Variants in ADGRL2 observed in about 807,000 individuals in gnomAD.
The protein encoded by ADGRL2 is calcium-independent alpha-latrotoxin receptor 2.
A neutral mutation model predicts 157.4 loss-of-function variants in ADGRL2; 44 were observed. The ratio of observed to expected loss-of-function variants is 0.28; its 90% confidence interval spans 0.22 to 0.36. The LOEUF (loss-of-function observed/expected upper bound fraction) is 0.36, where lower values mean the gene tolerates loss of function less well. Among genes scored for constraint, ADGRL2 ranks in the 10% least tolerant of loss-of-function variants. The pLI, the probability that ADGRL2 is intolerant of heterozygous loss-of-function variation, is 1.00. For missense variants in ADGRL2, 1,510 were observed against 1,768.9 expected (o/e 0.85, Z 2.63); for synonymous variants, 585 against 624.7 (o/e 0.94, Z 0.95).
intron 2 of ADGRL2, among the ~76,000 whole-genome samples, chr1:81,854,768 C>A (rs1472960095): frequency 2.0e-5 from 3 of 151,100 alleles, no homozygotes; most frequent in Non-Finnish European, 4.4e-5. Context: ...CAAGAGGTGA[C>A]CAGCTGAGAA....
chr1:81,413,295 G>A (rs967135409), intron 1 of ADGRL2, among the ~76,000 whole-genome samples: 2 of 151,926 alleles, frequency 1.3e-5, no homozygotes, highest in African/African-American at 4.8e-5. Context: ...ATATCATCCT[G>A]GCCCCAAAAA....
chr1:81,750,218 T>C (rs538031281), intron 1 of ADGRL2, among the ~76,000 whole-genome samples: 1 of 152,320 alleles, frequency 6.6e-6, no homozygotes, highest in Non-Finnish European at 1.5e-5. Flanking sequence ...TGGAAATCTC[T>C]AGGTGATGTG....
intron 1 of ADGRL2, among the ~76,000 whole-genome samples, chr1:81,751,165 C>T (rs1557620312): frequency 6.6e-6 from 1 of 152,038 alleles, no homozygotes; most frequent in Non-Finnish European, 1.5e-5. Flanking sequence ...ATTTGAAAAT[C>T]AAAGTGAATA....
At chr1:81,452,790 C>T (rs1487579308) in intron 2 of ADGRL2, among the ~76,000 whole-genome samples, 1 of 152,018 alleles carries the variant, frequency 6.6e-6, no homozygotes, top group African/African-American at 2.4e-5. Context: ...GTAGGTTTTG[C>T]AGATGAAGAT....
intron 2 of ADGRL2, among the ~76,000 whole-genome samples, chr1:81,844,949 A>C (rs1170317152): frequency 1.3e-5 from 2 of 152,068 alleles, no homozygotes; most frequent in African/African-American, 2.4e-5. Context: ...CTTCATGAGA[A>C]AAGAGAAAAT....
At chr1:81,631,598 C>T (rs926914530) in intron 3 of ADGRL2, among the ~76,000 whole-genome samples, 1 of 152,182 alleles carries the variant, frequency 6.6e-6, no homozygotes, top group Admixed American at 6.5e-5. Context: ...GGTCCCATCA[C>T]CAGATACTCT....
chr1:81,422,105 A>C (rs2077135411), intron 1 of ADGRL2, among the ~76,000 whole-genome samples: 1 of 152,168 alleles, frequency 6.6e-6, no homozygotes, highest in South Asian at 2.1e-4. Flanking sequence ...TTCAGGAAAA[A>C]CTGGTTTACT....
At chr1:81,472,027 C>A (rs2101871864) in intron 2 of ADGRL2, among the ~76,000 whole-genome samples, 1 of 152,248 alleles carries the variant, frequency 6.6e-6, no homozygotes, top group Non-Finnish European at 1.5e-5. Context: ...CCTGAACATA[C>A]CAATTCACTT....
rs746200328 is a variant in ADGRL2, at chr1:81,943,461, G to A, written c.902G>A (p.Arg301Gln). The change falls in exon 6 of 24, where the codon CGA becomes CAA. Residue 301 changes from arginine (R) to glutamine (Q), a missense_variant. This residue lies in a region of ADGRL2 where 361 missense variants were observed against 498.4 expected (regional missense o/e 0.72). Coordinates refer to ENST00000686636, the MANE Select transcript of ADGRL2 (RefSeq NM_001366006.2). The surrounding 1 kb of genome is among the most constrained non-coding windows in gnomAD (Gnocchi z 5.6). The part of the protein sequence containing the change: ...VISQLNPYTL[R>Q]FEATWETVYD... ...AGCCAGCTGAATCCATACACTCTTC[G>A]ATTTGAAGCAACGTGGGAGACTGTA... 19 of 1,613,534 alleles carry A rather than the reference G, an allele frequency of 1.2e-5. No individual in the cohort carries two copies. Among genetic ancestry groups the A allele is most frequent in the African/African-American group, 2.7e-5 (2 of 74,878 alleles).
intron 1 of ADGRL2, among the ~76,000 whole-genome samples, chr1:81,405,734 C>T (rs1312607450): frequency 6.7e-6 from 1 of 149,268 alleles, no homozygotes; most frequent in Non-Finnish European, 1.5e-5. Context: ...CATAAGGCCT[C>T]TTATTTTCCA....
chr1:81,373,324 G>T (rs2076192467), intron 1 of ADGRL2, among the ~76,000 whole-genome samples: 1 of 152,146 alleles, frequency 6.6e-6, no homozygotes, highest in African/African-American at 2.4e-5. Flanking sequence ...GAGCCTGGGG[G>T]CAAAACCATA....
chr1:81,669,455 C>T (rs181497794), intron 3 of ADGRL2, among the ~76,000 whole-genome samples: 70 of 143,326 alleles, frequency 4.9e-4, no homozygotes, highest in African/African-American at 1.8e-3. Context: ...ATTTAGGCTA[C>T]TAAATGTGCA....
At chr1:81,484,989 AAGGGCAAATTCAG>A (rs1362551981) in intron 2 of ADGRL2, among the ~76,000 whole-genome samples, 1 of 152,098 alleles carries the variant, frequency 6.6e-6, no homozygotes, top group South Asian at 2.1e-4. Flanking sequence ...ACCAGATTCA[AAGGGCAAATTCAG>A]AGGAAAAACT....
At chr1:81,827,628 C>T (rs1042490254) in intron 1 of ADGRL2, among the ~76,000 whole-genome samples, 8 of 152,084 alleles carry the variant, frequency 5.3e-5, no homozygotes, top group African/African-American at 1.7e-4. Context: ...TGCAGTGGTG[C>T]GATCTTGGCG....
intron 1 of ADGRL2, among the ~76,000 whole-genome samples, chr1:81,805,460 C>T (rs12121041): frequency 0.078 from 11,795 of 151,898 alleles, 560 homozygotes; most frequent in South Asian, 0.2. Context: ...GAATTGATAA[C>T]CTTTCATTTA....
At chr1:81,388,686 T>A (rs528777169) in intron 1 of ADGRL2, among the ~76,000 whole-genome samples, 1 of 152,262 alleles carries the variant, frequency 6.6e-6, no homozygotes, top group African/African-American at 2.4e-5. Flanking sequence ...TATGAGGAAG[T>A]GGGCCCTCAC....
chr1:81,544,448 T>C lies in ADGRL2; in HGVS notation c.-247-36428T>C, dbSNP rs991500165. Among the ~76,000 whole-genome samples the C allele has an allele frequency of 5.9e-5, 9 of 152,212 alleles. 1 individual carries two copies. The highest frequency in any genetic ancestry group is 5.9e-4 in the Admixed American group (9 of 15,282). ...CTTATGTCTTCGAATCTAGGAAATA[T>C]AAATCAGGGGATACTTGGATTTTTC... On this transcript the variant is annotated intron_variant, in intron 2 of 24. Transcript: ENST00000370721.
intron 3 of ADGRL2, among the ~76,000 whole-genome samples, chr1:81,915,342 A>G (rs772885721): frequency 6.6e-6 from 1 of 152,054 alleles, no homozygotes; most frequent in Non-Finnish European, 1.5e-5. Flanking sequence ...AGCCTCCCAA[A>G]TGCTAGGATT....
At chr1:81,556,312 A>ATTTTTTTTTTTTTTTTTTTTTTTTTTTT (rs145670261) in intron 2 of ADGRL2, among the ~76,000 whole-genome samples, 1 of 87,132 alleles carries the variant, frequency 1.1e-5, no homozygotes. Context: ...GGCTGTCACA[A>ATTTTTTTTTTTTTTTTTTTTTTTTTTTT]TTTTTTTTTT....
Sources: gnomAD v4.1 joint callset for allele counts (sites outside exome capture counted in the v4.1 genomes callset) on GRCh38, gnomAD v4.1.1 for gene constraint, gnomAD v4.1.1 regional missense constraint, Gnocchi (gnomAD v3.1) non-coding constraint, MANE v1.5 for transcripts, NCBI Gene and HGNC (gene_info 2026-07-23, HGNC 2026-07-21) for gene names.